The following CLSTN2 variants were observed in gnomAD, a reference collection of about 807,000 sequenced individuals.
The protein encoded by CLSTN2 is calsyntenin-2.
A neutral mutation model predicts 101.2 loss-of-function variants in CLSTN2; 48 were observed. That is an observed-to-expected ratio of 0.47 (90% CI 0.38 to 0.60). The LOEUF (loss-of-function observed/expected upper bound fraction) is 0.60, where lower values mean the gene tolerates loss of function less well. Ranked by LOEUF, CLSTN2 falls within the 20% of genes least tolerant of loss-of-function variation. CLSTN2 has a pLI of 0.00. For missense variants in CLSTN2, 1,160 were observed against 1,238.2 expected (o/e 0.94, Z 0.95); for synonymous variants, 481 against 463.6 (o/e 1.04, Z -0.48).
In CLSTN2 at chr3:140,556,625, C is replaced by T; in HGVS notation, c.1787C>T (p.Ala596Val). 2 of 1,614,060 alleles carry T rather than the reference C, an allele frequency of 1.2e-6. No homozygotes were observed. The highest frequency in any genetic ancestry group is 1.7e-6 in the Non-Finnish European group (2 of 1,179,960). ...ATCAACTCCAGGCAGTTCCCAACGG[C>T]GGGTGTGCGGCGCCTCAAAGTATCC... ...SYINSRQFPT[A>V]GVRRLKVSSK... The change falls in exon 11 of 17, where the codon GCG becomes GTG. Residue 596 changes from alanine to valine, a missense_variant. By Grantham distance (64) the Ala-to-Val change is moderately conservative. Coordinates refer to ENST00000458420, the MANE Select transcript of CLSTN2 (RefSeq NM_022131.3).
chr3:140,191,414 C>A (rs1406906608), intron 2 of CLSTN2, among the ~76,000 whole-genome samples: 1 of 151,938 alleles, frequency 6.6e-6, no homozygotes, highest in Non-Finnish European at 1.5e-5. Flanking sequence ...AGTAATACTA[C>A]TTCATAAAGT....
At chr3:140,255,739 C>T (rs2086598732) in intron 2 of CLSTN2, among the ~76,000 whole-genome samples, 1 of 152,070 alleles carries the variant, frequency 6.6e-6, no homozygotes. Flanking sequence ...CAAACCTGCA[C>T]ATATACCCCT....
At chr3:140,300,228 A>G (rs1238561221) in intron 2 of CLSTN2, among the ~76,000 whole-genome samples, 1 of 152,256 alleles carries the variant, frequency 6.6e-6, no homozygotes, top group African/African-American at 2.4e-5. Flanking sequence ...CAAGTTCCTG[A>G]TGCAGGGCTG....
chr3:140,459,898 AAT>A, intron 7 of CLSTN2, 129 bp downstream of exon 7: 1 of 1,067,926 alleles, frequency 9.4e-7, no homozygotes, highest in Non-Finnish European at 1.4e-6. Flanking sequence ...GAACCCTGCC[AAT>A]ATATATTCTG....
intron 8 of CLSTN2, among the ~76,000 whole-genome samples, chr3:140,473,071 A>G (rs923577245): frequency 5.3e-5 from 8 of 152,156 alleles, no homozygotes; most frequent in Non-Finnish European, 1.0e-4. Context: ...CAATGGTTGG[A>G]TTGTCCACTC....
intron 2 of CLSTN2, among the ~76,000 whole-genome samples, chr3:140,247,736 C>T (rs2107873088): frequency 6.6e-6 from 1 of 152,254 alleles, no homozygotes; most frequent in South Asian, 2.1e-4. Context: ...AGTAAAGACA[C>T]CTCCATCCCT....
intron 1 of CLSTN2, among the ~76,000 whole-genome samples, chr3:140,154,461 G>A (rs1053793919): frequency 1.3e-5 from 2 of 152,178 alleles, no homozygotes; most frequent in South Asian, 2.1e-4. Context: ...AGCTGGATTA[G>A]TCCATTTTCA....
chr3:140,090,379 A>G (rs1426287430), intron 1 of CLSTN2, among the ~76,000 whole-genome samples: 3 of 152,032 alleles, frequency 2.0e-5, no homozygotes, highest in African/African-American at 4.8e-5. Context: ...TGCTCTGTCA[A>G]TCTTCCCACC....
At chr3:140,347,822 G>A (rs1212315702) in intron 2 of CLSTN2, among the ~76,000 whole-genome samples, 1 of 152,110 alleles carries the variant, frequency 6.6e-6, no homozygotes, top group Non-Finnish European at 1.5e-5. Flanking sequence ...ATTTATATGT[G>A]GAATCTCTAC....
At chr3:140,561,956 C>A (rs1935923950) in intron 12 of CLSTN2, among the ~76,000 whole-genome samples, 182 bp from the exon 13 acceptor site, 4 of 152,198 alleles carry the variant, frequency 2.6e-5, no homozygotes, top group Admixed American at 1.3e-4. Context: ...ATTCATCCCA[C>A]TAATTCATCC....
intron 1 of CLSTN2, among the ~76,000 whole-genome samples, chr3:140,143,420 C>T (rs980355742): frequency 3.3e-5 from 5 of 152,192 alleles, no homozygotes; most frequent in African/African-American, 1.2e-4. Flanking sequence ...AACTCTCCTT[C>T]TGCCTTTTTG....
chr3:140,401,190 C>G (rs375056942), intron 2 of CLSTN2, among the ~76,000 whole-genome samples: 3 of 152,218 alleles, frequency 2.0e-5, no homozygotes, highest in African/African-American at 7.2e-5. Flanking sequence ...GCAACCAGAA[C>G]CCAAGTGTCA....
rs754984384 is a variant in CLSTN2, at chr3:140,056,134, T to A, written c.110-119817T>A. Among the ~76,000 whole-genome samples, 1,011 of 152,072 alleles carry A rather than the reference T, an allele frequency of 6.6e-3. 3 individuals are homozygous for A. The highest frequency in any genetic ancestry group is 0.01 in the Admixed American group (154 of 15,282). On this transcript the variant is annotated intron_variant, in intron 1 of 16. Coordinates refer to ENST00000458420, the MANE Select transcript of CLSTN2 (RefSeq NM_022131.3). ...GGAAGCCCAGGCCACATTGGAGAAG[T>A]CATGTCAGGGAGGCAGCAGAGTATG...
At chr3:140,176,144 CA>C in intron 2 of CLSTN2, 71 bp downstream of exon 2, 1 of 1,553,190 alleles carries the variant, frequency 6.4e-7, no homozygotes, top group Non-Finnish European at 8.8e-7. Context: ...CCACAAAGCC[CA>C]GAATATGGCT....
intron 2 of CLSTN2, among the ~76,000 whole-genome samples, chr3:140,322,041 G>T (rs1164304320): frequency 6.6e-6 from 1 of 152,176 alleles, no homozygotes; most frequent in Non-Finnish European, 1.5e-5. Flanking sequence ...CAGACCTCAG[G>T]GCCCCAGGGG....
chr3:140,337,086 G>A (rs2107933399), intron 2 of CLSTN2, among the ~76,000 whole-genome samples: 1 of 152,324 alleles, frequency 6.6e-6, no homozygotes, highest in South Asian at 2.1e-4. Flanking sequence ...TTTCAGGAAT[G>A]TGGGGCTTAC....
intron 5 of CLSTN2, among the ~76,000 whole-genome samples, chr3:140,438,270 C>T (rs2088708347): frequency 7.5e-6 from 1 of 133,782 alleles, no homozygotes; most frequent in Non-Finnish European, 1.6e-5. Context: ...CTCTCCCACC[C>T]TCACACATGG....
chr3:140,381,902 G>A (rs937112672), intron 2 of CLSTN2, among the ~76,000 whole-genome samples: 1 of 152,194 alleles, frequency 6.6e-6, no homozygotes, highest in African/African-American at 2.4e-5. Flanking sequence ...TAAATCTGGG[G>A]TCAGACCAGC....
intron 1 of CLSTN2, among the ~76,000 whole-genome samples, chr3:140,106,172 C>T (rs1455246264): frequency 1.3e-5 from 2 of 152,176 alleles, no homozygotes; most frequent in African/African-American, 4.8e-5. Flanking sequence ...CATACCTTCC[C>T]TGAGTAACAG....
Sources: allele counts gnomAD v4.1 joint callset (sites outside exome capture counted in the v4.1 genomes callset), GRCh38; gene constraint gnomAD v4.1.1; transcripts MANE v1.5; gene names NCBI Gene and HGNC (gene_info 2026-07-23, HGNC 2026-07-21).